ADAMTS10: variants seen among roughly 807,000 people sequenced by gnomAD.
The protein encoded by ADAMTS10 is ADAM metallopeptidase with thrombospondin type 1 motif 10.
In ADAMTS10, 48 loss-of-function variants were observed where a neutral mutation model predicts 135.9. The ratio of observed to expected loss-of-function variants is 0.35; its 90% confidence interval spans 0.28 to 0.45. ADAMTS10 has a LOEUF of 0.45. Ranked by LOEUF, ADAMTS10 falls within the 20% of genes least tolerant of loss-of-function variation. The pLI is 1.00. For synonymous variants in ADAMTS10, 621 were observed against 647.5 expected (o/e 0.96, Z 0.62); for missense variants, 1,131 against 1,565.2 (o/e 0.72, Z 4.68).
rs782301780 is a variant in ADAMTS10, at chr19:8,580,927, C to T, written c.3278G>A (p.Arg1093His). 1.4e-5 allele frequency: 22 copies of T among 1,612,938 alleles called. No homozygotes were observed. The South Asian group carries it at 2.4e-4, about 18-fold the overall frequency. Residue 1093 changes from arginine (R) to histidine (H), a missense_variant, in exon 26 of 26, where the codon CGC (arginine) becomes CAC (histidine). This residue lies in a region of ADAMTS10 where 745 missense variants were observed against 1,056.3 expected (regional missense o/e 0.71). Transcript: ENST00000597188. ...KFQFCSRAYF[R>H]QMCCKTCHGH The stretch of plus-strand genomic sequence containing the variant: ...ATGGCAGGTTTTGCAGCACATCTGG[C>T]GGAAGTAGGCTCGGCTGCAGAACTG...
In ADAMTS10 at chr19:8,601,178, C is replaced by T. The variant is rs782149980; in HGVS notation, c.593-33G>A. ...ACCCAGTAGAGCAATTAAGCCCTGC[C>T]CTGCTGGTGGGACGCAGAGCTGCCT... On this transcript the variant is annotated intron_variant, in intron 5 of 25. Coordinates refer to ENST00000597188, the MANE Select transcript of ADAMTS10 (RefSeq NM_030957.4). This position sits in a 1 kb window ranked among gnomAD's most constrained non-coding sequence, Gnocchi z 4.6. 5.6e-6 allele frequency: 9 copies of T among 1,606,670 alleles called. No homozygotes were observed. The African/African-American group carries it at 1.1e-4, about 19-fold the overall frequency.
rs1568396186 is a variant in ADAMTS10, at chr19:8,589,581, G to GC, written c.1904dup (p.Val636ArgfsTer66). On this transcript the variant is annotated frameshift_variant, in exon 17 of 26. Coordinates refer to ENST00000597188, the MANE Select transcript of ADAMTS10 (RefSeq NM_030957.4). LOFTEE classifies it high-confidence loss of function. Reference sequence around the variant, plus strand: ...GGCACGTGAGCGAGCAGGCCTTCACGCCCCCTGGGGGGCACGGCCCCGTCA... The same window carrying GC: ...GGCACGTGAGCGAGCAGGCCTTCACGCCCCCCTGGGGGGCACGGCCCCGTCA... The GC allele has an allele frequency of 6.2e-7, 1 of 1,613,348 alleles. No homozygotes were observed. Among genetic ancestry groups the GC allele is most frequent in the African/African-American group, 1.3e-5 (1 of 75,050 alleles).
intron 4 of ADAMTS10, 36 bp downstream of exon 4, chr19:8,604,976 G>T: frequency 6.4e-7 from 1 of 1,553,200 alleles, no homozygotes; most frequent in South Asian, 1.2e-5. Context: ...CAAACTTATG[G>T]GCATTTCCCC....
In ADAMTS10 at chr19:8,580,722, C is replaced by T. The variant is rs79238375; in HGVS notation, c.*171G>A. 0.011 allele frequency: 6,831 copies of T among 604,506 alleles called. 52 individuals are homozygous for T. The highest frequency in any genetic ancestry group is 0.022 in the Middle Eastern group (49 of 2,242). 37.4% of individuals were successfully genotyped at this position (604,506 alleles called of 1,614,324 possible). The stretch of plus-strand genomic sequence containing the variant: ...GAGGGGCTCTGGGGGGATAGCCAGC[C>T]CCTCTCCATCCCCCCAGCCAGGGCC... On this transcript the variant is annotated 3_prime_UTR_variant, in exon 26 of 26. Transcript: ENST00000597188.
rs1339771163 is a variant in ADAMTS10 at position 8,596,436 on chromosome 19, T to C, written c.1085-24A>G. 6.2e-7 allele frequency: 1 copy of C among 1,613,650 alleles called. No individual in the cohort carries two copies. The highest frequency in any genetic ancestry group is 8.5e-7 in the Non-Finnish European group (1 of 1,179,842). On this transcript the variant is annotated intron_variant, in intron 9 of 25. Transcript: ENST00000597188. The surrounding 1 kb of genome is among the most constrained non-coding windows in gnomAD (Gnocchi z 7.2). ...GCCTGGGAAGACGGACATGTGGGGATGGGGCTGGGAGGCTCAGGACGGTGC... is the reference window on the plus strand; with the variant it reads ...GCCTGGGAAGACGGACATGTGGGGACGGGGCTGGGAGGCTCAGGACGGTGC...
At position 8,606,250 on chromosome 19, in the gene ADAMTS10, C is replaced by T. The variant is rs1418927561; in HGVS notation, c.-99-441G>A. Among the ~76,000 whole-genome samples the T allele has an allele frequency of 1.1e-4, 16 of 152,078 alleles. 1 individual carries two copies. Among genetic ancestry groups the T allele is most frequent in the African/African-American group, 7.2e-5 (3 of 41,408 alleles). ...TAATGTTTTTGTTTTTTTGGAGAGA[C>T]GGGGGTCTCACTTTGTTGCCCAGGC... is the stretch of plus-strand genomic sequence containing the variant. On this transcript the variant is annotated intron_variant, in intron 2 of 25. Coordinates refer to ENST00000597188, the MANE Select transcript of ADAMTS10 (RefSeq NM_030957.4).
intron 2 of ADAMTS10, among the ~76,000 whole-genome samples, chr19:8,607,599 C>T (rs970280469): frequency 6.6e-6 from 1 of 152,106 alleles, no homozygotes; most frequent in African/African-American, 2.4e-5. Context: ...GTCTGAGAGT[C>T]CAAGTCTGAG....
chr19:8,602,431 G>A (rs2042677936), intron 5 of ADAMTS10, among the ~76,000 whole-genome samples: 1 of 152,090 alleles, frequency 6.6e-6, no homozygotes, highest in African/African-American at 2.4e-5. Context: ...CGATTCTCCT[G>A]CCTTAGCCTC....
intron 16 of ADAMTS10, 56 bp from the exon 17 acceptor site, chr19:8,589,641 T>C (rs2146055919): frequency 6.2e-7 from 1 of 1,608,680 alleles, no homozygotes; most frequent in Non-Finnish European, 8.5e-7. Context: ...ACTCTTTGCT[T>C]GCTCCCTGGG....
In ADAMTS10 at chr19:8,584,929, C is replaced by G; in HGVS notation, c.3168G>C (p.Lys1056Asn). Reference protein sequence around the residue: ...RPPTTQQCEAKCDSPTPGDGP... With the variant: ...RPPTTQQCEANCDSPTPGDGP... Reference sequence around the variant, plus strand: ...CGTCCCCGGGGGTTGGGCTGTCGCACTTGGCCTCACACTGCTGCGTGGTGG... The same window carrying G: ...CGTCCCCGGGGGTTGGGCTGTCGCAGTTGGCCTCACACTGCTGCGTGGTGG... Residue 1056 changes from lysine to asparagine, a missense_variant, in exon 25 of 26, where the codon AAG becomes AAC. By Grantham distance (94) the Lys-to-Asn change is moderately conservative (BLOSUM62 0). Around this residue, in one of 3 missense-constraint regions of ADAMTS10, gnomAD observed 745 missense variants for 1,056.3 expected, o/e 0.71. Coordinates refer to ENST00000597188, the MANE Select transcript of ADAMTS10 (RefSeq NM_030957.4). 1 of 1,548,966 alleles carries G rather than the reference C, an allele frequency of 6.5e-7. No individual in the cohort carries two copies. The highest frequency in any genetic ancestry group is 8.7e-7 in the Non-Finnish European group (1 of 1,146,484).
chr19:8,580,446 CT>C lies in ADAMTS10; in HGVS notation c.*446del, dbSNP rs1184239604. 951 of 164,224 alleles carry C rather than the reference CT, an allele frequency of 5.8e-3. 6 individuals are homozygous for C. The highest frequency in any genetic ancestry group is 0.02 in the African/African-American group (795 of 39,222). 10.2% of individuals were successfully genotyped at this position (164,224 alleles called of 1,614,324 possible). A position where few individuals can be genotyped will look rare whatever the true frequency, so the allele number is the denominator to read the frequency against. ...CAGGGAGGTGGTGCTACCCCCCCCC[CT>C]CCCATAGCAGACACAGATTCCCCCC... On this transcript the variant is annotated 3_prime_UTR_variant, in exon 26 of 26. Coordinates refer to ENST00000597188, the MANE Select transcript of ADAMTS10 (RefSeq NM_030957.4).
In ADAMTS10 at chr19:8,592,282, C is replaced by A. The variant is rs9749567; in HGVS notation, c.1588-179G>T. ...TAGGAGAGTGGTCTGGGAGACAGAC[C>A]AGGTACAAGCGAGAGGCGTGGCCTG... On this transcript the variant is annotated intron_variant, in intron 13 of 25. Coordinates refer to ENST00000597188, the MANE Select transcript of ADAMTS10 (RefSeq NM_030957.4). 0.9 allele frequency: 1,154,295 copies of A among 1,279,366 alleles called. 521,526 individuals are homozygous for A. Among genetic ancestry groups the A allele is most frequent in the African/African-American group, 0.98 (65,386 of 66,612 alleles). The allele number at this position is 1,279,366 out of a possible 1,614,324, so 79.3% of individuals were successfully genotyped here. A position where few individuals can be genotyped will look rare whatever the true frequency, so the allele number is the denominator to read the frequency against.
At chr19:8,589,662 C>A in intron 16 of ADAMTS10, 77 bp from the exon 17 acceptor site, 2 of 1,596,124 alleles carry the variant, frequency 1.3e-6, no homozygotes, top group East Asian at 4.5e-5. Flanking sequence ...GGAGTGAGGC[C>A]AAGAGGGACA....
intron 15 of ADAMTS10, among the ~76,000 whole-genome samples, 169 bp downstream of exon 15, chr19:8,591,631 G>A (rs879959602): frequency 1.8e-4 from 28 of 151,970 alleles, no homozygotes; most frequent in Non-Finnish European, 2.8e-4. Flanking sequence ...TAGTAGAGAC[G>A]GGGTTTCACT....
At chr19:8,591,039 C>A (rs193171574) in intron 15 of ADAMTS10, among the ~76,000 whole-genome samples, 156 of 152,298 alleles carry the variant, frequency 1.0e-3, no homozygotes, top group African/African-American at 3.5e-3. Context: ...AAAACACCCC[C>A]TCCCCAGTAA....
At chr19:8,597,465 G>T in intron 6 of ADAMTS10, 148 bp from the exon 7 acceptor site, 4 of 350,708 alleles carry the variant, frequency 1.1e-5, no homozygotes, top group Admixed American at 5.4e-5. Flanking sequence ...GTTTTTTGTT[G>T]CTGTTGTTGT....
At position 8,580,812 on chromosome 19, in the gene ADAMTS10, C is replaced by A. The variant is rs886054709; in HGVS notation, c.*81G>T. ...ACCCTTCCCTCCCAGTTCCCGCCCC[C>A]CCGGGGCCCCCTCTGGCCGGCCCGC... is the stretch of plus-strand genomic sequence containing the variant. On this transcript the variant is annotated 3_prime_UTR_variant, in exon 26 of 26. Coordinates refer to ENST00000597188, the MANE Select transcript of ADAMTS10 (RefSeq NM_030957.4). 53 of 1,188,058 alleles carry A rather than the reference C, an allele frequency of 4.5e-5. No homozygotes were observed. The highest frequency in any genetic ancestry group is 2.5e-4 in the Middle Eastern group (1 of 3,950). The allele number at this position is 1,188,058 out of a possible 1,614,324, so 73.6% of individuals were successfully genotyped here. A position where few individuals can be genotyped will look rare whatever the true frequency, so the allele number is the denominator to read the frequency against.
At chr19:8,604,891 G>T in intron 4 of ADAMTS10, 121 bp downstream of exon 4, 2 of 1,129,964 alleles carry the variant, frequency 1.8e-6, no homozygotes, top group Non-Finnish European at 2.6e-6. Flanking sequence ...AGCACTGATT[G>T]GCTCAAAACA....
chr19:8,581,743 G>T (rs971955450), intron 25 of ADAMTS10, among the ~76,000 whole-genome samples: 1 of 151,794 alleles, frequency 6.6e-6, no homozygotes, highest in South Asian at 2.1e-4. Flanking sequence ...CCTGAGGCAG[G>T]AGAATTGCCT....
Sources: gnomAD v4.1 joint callset for allele counts (sites outside exome capture counted in the v4.1 genomes callset) on GRCh38, gnomAD v4.1.1 for gene constraint, gnomAD v4.1.1 regional missense constraint, Gnocchi (gnomAD v3.1) non-coding constraint, MANE v1.5 for transcripts, NCBI Gene and HGNC (gene_info 2026-07-23, HGNC 2026-07-21) for gene names.